The following RCL1 variants were observed in gnomAD, a reference collection of about 807,000 sequenced individuals.
The protein encoded by RCL1 is RNA 3'-terminal phosphate cyclase-like protein.
In RCL1, 24 loss-of-function variants were observed where a neutral mutation model predicts 42.4. The observed-to-expected ratio is 0.57, with a 90% CI of 0.41 to 0.80. The LOEUF is 0.80. RCL1 is among the 30% of genes least tolerant of loss of function. The pLI, the probability that RCL1 is intolerant of heterozygous loss-of-function variation, is 0.00. For synonymous variants in RCL1, 228 were observed against 177.3 expected (o/e 1.29, Z -2.27); for missense variants, 578 against 467.9 (o/e 1.24, Z -2.17).
At chr9:4,819,152 C>G (rs1279571108) in intron 1 of RCL1, among the ~76,000 whole-genome samples, 1 of 152,294 alleles carries the variant, frequency 6.6e-6, no homozygotes, top group African/African-American at 2.4e-5. Context: ...AGCAGGGGTC[C>G]TCAACCCCAG....
intron 1 of RCL1, among the ~76,000 whole-genome samples, chr9:4,800,339 C>T (rs891363799): frequency 2.6e-5 from 4 of 151,866 alleles, no homozygotes; most frequent in African/African-American, 7.3e-5. Context: ...CTCAGCTTCC[C>T]GAGTAGCTGG....
chr9:4,806,030 G>GTGTGTGTGTGTGTT (rs1554636239), intron 1 of RCL1, among the ~76,000 whole-genome samples: 82 of 140,484 alleles, frequency 5.8e-4, no homozygotes, highest in Middle Eastern at 3.5e-3. Flanking sequence ...GTGTGTGTGT[G>GTGTGTGTGTGTGTT]TGTGTGTGTG....
At chr9:4,814,479 G>T (rs1816301962) in intron 1 of RCL1, among the ~76,000 whole-genome samples, 1 of 152,064 alleles carries the variant, frequency 6.6e-6, no homozygotes, top group South Asian at 2.1e-4. Context: ...TGTTGCCCAG[G>T]CTGGTCGCCA....
At chr9:4,846,063 C>T (rs1326421553) in intron 7 of RCL1, among the ~76,000 whole-genome samples, 1 of 152,186 alleles carries the variant, frequency 6.6e-6, no homozygotes, top group Non-Finnish European at 1.5e-5. Flanking sequence ...TAGGGTAAAG[C>T]CTGACTAGCC....
chr9:4,841,171 T>G, intron 5 of RCL1, 61 bp from the exon 6 acceptor site: 1 of 1,602,356 alleles, frequency 6.2e-7, no homozygotes, highest in East Asian at 2.2e-5. Flanking sequence ...GCCAGCTTTA[T>G]AACTGATTTT....
chr9:4,822,653 AC>A lies in RCL1; in HGVS notation c.137-894del, dbSNP rs756305550. ...GTGAATATAACGAGACCCTATCTCT[AC>A]AAAAATAAAATAAGAAATTAGCTGG... On this transcript the variant is annotated intron_variant, in intron 1 of 8. Coordinates refer to ENST00000381750, the MANE Select transcript of RCL1 (RefSeq NM_005772.5). Among the ~76,000 whole-genome samples, 269 of 152,172 alleles carry A rather than the reference AC, an allele frequency of 1.8e-3. 2 individuals carry two copies. The highest frequency in any genetic ancestry group is 1.2e-3 in the Non-Finnish European group (79 of 68,000).
intron 5 of RCL1, among the ~76,000 whole-genome samples, chr9:4,835,859 A>C (rs1817107718): frequency 6.6e-6 from 1 of 152,238 alleles, no homozygotes; most frequent in Admixed American, 6.5e-5. Context: ...CTGGTGTGTA[A>C]GTAGCATTGG....
intron 1 of RCL1, among the ~76,000 whole-genome samples, chr9:4,810,776 G>C (rs1268200774): frequency 6.6e-6 from 1 of 152,134 alleles, no homozygotes; most frequent in East Asian, 1.9e-4. Context: ...ATCCTATTCA[G>C]CACTTGGTAT....
chr9:4,819,689 C>A (rs941328911), intron 1 of RCL1, among the ~76,000 whole-genome samples: 2 of 152,210 alleles, frequency 1.3e-5, no homozygotes, highest in African/African-American at 4.8e-5. Context: ...CGCCTGTAGT[C>A]CCAGCTACTC....
chr9:4,801,940 C>T lies in RCL1; in HGVS notation c.136+8713C>T, dbSNP rs541094238. On this transcript the variant is annotated intron_variant, in intron 1 of 8. Transcript: ENST00000381750. Reference sequence around the variant, plus strand: ...TTTTTCTTTTTTTTTGAGACGGAATCTCGCTCTGTTGCCGCTGGAGTGCGG... The same window carrying T: ...TTTTTCTTTTTTTTTGAGACGGAATTTCGCTCTGTTGCCGCTGGAGTGCGG... Among the ~76,000 whole-genome samples, 5 of 151,886 alleles carry T rather than the reference C, an allele frequency of 3.3e-5. No homozygotes were observed. In the South Asian group the frequency reaches 1.0e-3, roughly 31 times the overall value.
intron 8 of RCL1, among the ~76,000 whole-genome samples, chr9:4,852,103 G>A (rs1277800633): frequency 2.0e-5 from 3 of 152,064 alleles, no homozygotes; most frequent in South Asian, 2.1e-4. Flanking sequence ...GGATGGTCTC[G>A]ATCTCCTGAC....
At chr9:4,829,453 A>G (rs1219099027) in intron 3 of RCL1, among the ~76,000 whole-genome samples, 1 of 152,230 alleles carries the variant, frequency 6.6e-6, no homozygotes, top group Non-Finnish European at 1.5e-5. Context: ...GGAAAATTGC[A>G]GTAGGATAAT....
Position 4,827,009 on chromosome 9 carries a change from G to C in RCL1, c.360G>C (p.Val120=). The part of the protein sequence containing the change: ...KHPLKIVLRG[V]TNDQVDPSVD... ...CGTTAAAAATAGTTCTACGAGGAGTGACCAATGATCAGGTTGACCCTTCAG... is the reference window on the plus strand; with the variant it reads ...CGTTAAAAATAGTTCTACGAGGAGTCACCAATGATCAGGTTGACCCTTCAG... Residue 120 remains valine, a synonymous_variant, in exon 3 of 9, where the codon GTG becomes GTC. Coordinates refer to ENST00000381750, the MANE Select transcript of RCL1 (RefSeq NM_005772.5). 2 of 1,614,174 alleles carry C rather than the reference G, an allele frequency of 1.2e-6. No individual in the cohort carries two copies. Among genetic ancestry groups the C allele is most frequent in the Non-Finnish European group, 1.7e-6 (2 of 1,180,026 alleles).
rs141427592 is a variant in RCL1, at chr9:4,796,771, A to T, written c.136+3544A>T. Among the ~76,000 whole-genome samples the T allele has an allele frequency of 2.1e-4, 32 of 152,152 alleles. No individual in the cohort carries two copies. The East Asian group carries it at 5.4e-3, about 26-fold the overall frequency. On this transcript the variant is annotated intron_variant, in intron 1 of 8. Transcript: ENST00000381750. ...ATACCACATTTTCTTTATCTAGTCA[A>T]CCATTGGTGGACACTTAGGTTAGTT...
At chr9:4,827,177 A>G (rs1219547238) in intron 3 of RCL1, 144 bp downstream of exon 3, 3 of 1,550,370 alleles carry the variant, frequency 1.9e-6, no homozygotes, top group Admixed American at 2.0e-5. Flanking sequence ...TTAGAGGTTA[A>G]TCACTCCAGG....
intron 8 of RCL1, 29 bp from the exon 9 acceptor site, chr9:4,860,093 TTTA>T: frequency 7.0e-7 from 1 of 1,425,922 alleles, no homozygotes; most frequent in Non-Finnish European, 9.4e-7. Context: ...TGAATTTCTT[TTTA>T]TTTATTTATT....
Position 4,860,837 on chromosome 9 carries a change from G to A in RCL1, c.*562G>A, listed in dbSNP as rs1818149349. 1 of 152,212 alleles carries A rather than the reference G, an allele frequency of 6.6e-6. No homozygotes were observed. The highest frequency in any genetic ancestry group is 2.4e-5 in the African/African-American group (1 of 41,448). 9.4% of individuals were successfully genotyped at this position (152,212 alleles called of 1,614,324 possible). A position where few individuals can be genotyped will look rare whatever the true frequency, so the allele number is the denominator to read the frequency against. ...CTGAATGGATTGCTGTCATGGACAC[G>A]GACACGGATCTTCATCTGGTTCATT... On this transcript the variant is annotated 3_prime_UTR_variant, in exon 9 of 9. Coordinates refer to ENST00000381750, the MANE Select transcript of RCL1 (RefSeq NM_005772.5).
chr9:4,822,778 G>A (rs147023233), intron 1 of RCL1, among the ~76,000 whole-genome samples: 168 of 152,120 alleles, frequency 1.1e-3, no homozygotes, highest in African/African-American at 3.9e-3. Context: ...ACGTGATCAC[G>A]CCACTATACT....
chr9:4,844,792 A>G, intron 7 of RCL1, 111 bp downstream of exon 7: 8 of 1,107,346 alleles, frequency 7.2e-6, no homozygotes, highest in Non-Finnish European at 7.8e-6. Context: ...CAAGGAGATA[A>G]TCTGTTCCTG....
Sources: allele counts gnomAD v4.1 joint callset (sites outside exome capture counted in the v4.1 genomes callset), GRCh38; gene constraint gnomAD v4.1.1; transcripts MANE v1.5; gene names NCBI Gene and HGNC (gene_info 2026-07-23, HGNC 2026-07-21).